Variants in COL4A4 observed in about 807,000 individuals in gnomAD.
The protein encoded by COL4A4 is collagen type IV alpha 4 chain.
Under a neutral mutation model 192.9 loss-of-function variants are expected in COL4A4, and 105 were observed. The observed-to-expected ratio is 0.54, with a 90% CI of 0.46 to 0.64. COL4A4 has a LOEUF of 0.64. COL4A4 is among the 30% of genes least tolerant of loss of function. The pLI is 0.00. For missense variants in COL4A4, 1,967 were observed against 2,169.3 expected (o/e 0.91, Z 1.85); for synonymous variants, 762 against 769.9 (o/e 0.99, Z 0.17).
At chr2:227,080,613 G>T in intron 23 of COL4A4, 64 bp from the exon 24 acceptor site, 1 of 1,402,322 alleles carries the variant, frequency 7.1e-7, no homozygotes, top group Non-Finnish European at 1.0e-6. Context: ...GGATAGAGAG[G>T]ACAAAAAATA....
intron 16 of COL4A4, 102 bp from the exon 17 acceptor site, chr2:227,101,659 G>T: frequency 1.6e-6 from 2 of 1,238,716 alleles, no homozygotes; most frequent in South Asian, 1.3e-5. Context: ...CTGAGACCAT[G>T]CAAAGTCTTA....
intron 34 of COL4A4, among the ~76,000 whole-genome samples, chr2:227,048,694 C>T (rs1223235357): frequency 6.6e-6 from 1 of 152,164 alleles, no homozygotes; most frequent in Non-Finnish European, 1.5e-5. Context: ...GAGTGCATTT[C>T]AATTCCTTTT....
chr2:227,080,218 G>A (rs1003467833), intron 24 of COL4A4, among the ~76,000 whole-genome samples: 1 of 152,174 alleles, frequency 6.6e-6, no homozygotes, highest in East Asian at 1.9e-4. Context: ...AGGACCGAAA[G>A]TCCTGCTAGG....
the COL4A4 span, among the ~76,000 whole-genome samples, chr2:226,984,937 G>C: frequency 2.6e-5 from 4 of 151,112 alleles, no homozygotes; most frequent in South Asian, 8.4e-4. Context: ...GGGTGGGGGA[G>C]GGGGAGGAGG....
the COL4A4 span, among the ~76,000 whole-genome samples, chr2:226,994,392 C>G: frequency 6.6e-6 from 1 of 151,956 alleles, no homozygotes; most frequent in African/African-American, 2.4e-5. Context: ...GACAAACAAA[C>G]GGAAGGTGCC....
intron 7 of COL4A4, among the ~76,000 whole-genome samples, chr2:227,118,290 T>C (rs1474325948): frequency 6.6e-6 from 1 of 152,162 alleles, no homozygotes; most frequent in East Asian, 1.9e-4. Flanking sequence ...TGATAAACAA[T>C]TTACATTTTG....
intron 41 of COL4A4, among the ~76,000 whole-genome samples, chr2:227,028,525 C>T (rs1314353227): frequency 1.3e-5 from 2 of 152,136 alleles, no homozygotes; most frequent in African/African-American, 4.8e-5. Context: ...GGAATCCCAA[C>T]TGAAGTTTAG....
chr2:227,133,627 C>T (rs1382501049), intron 4 of COL4A4, among the ~76,000 whole-genome samples: 1 of 152,158 alleles, frequency 6.6e-6, no homozygotes, highest in Admixed American at 6.5e-5. Flanking sequence ...CGTGGTGGCT[C>T]ACGCCTGTAA....
the COL4A4 span, among the ~76,000 whole-genome samples, chr2:226,976,600 C>G: frequency 2.6e-5 from 4 of 152,116 alleles, no homozygotes; most frequent in African/African-American, 9.7e-5. Context: ...CTACCTTAAG[C>G]TCATCTAGAA....
At chr2:227,095,213 A>G (rs951441611) in intron 19 of COL4A4, among the ~76,000 whole-genome samples, 2 of 152,230 alleles carry the variant, frequency 1.3e-5, no homozygotes, top group Non-Finnish European at 2.9e-5. Context: ...AAATAATCCA[A>G]ATAAACATAT....
At chr2:227,125,502 C>T (rs1166227739) in intron 4 of COL4A4, among the ~76,000 whole-genome samples, 1 of 151,954 alleles carries the variant, frequency 6.6e-6, no homozygotes, top group Non-Finnish European at 1.5e-5. Context: ...AGCCACTGCA[C>T]CCTGCCCATA....
chr2:227,114,794 C>G, intron 7 of COL4A4, 98 bp from the exon 8 acceptor site: 1 of 951,722 alleles, frequency 1.1e-6, no homozygotes, highest in Non-Finnish European at 1.7e-6. Flanking sequence ...GTTAAAATTA[C>G]CATTATTGAC....
intron 43 of COL4A4, 88 bp from the exon 44 acceptor site, chr2:227,022,261 A>C (rs1966154901): frequency 1.4e-6 from 2 of 1,436,068 alleles, no homozygotes; most frequent in Admixed American, 3.3e-5. Context: ...TGGACTTCTG[A>C]CACTATACTG....
intron 25 of COL4A4, among the ~76,000 whole-genome samples, 194 bp downstream of exon 25, chr2:227,077,700 A>AG (rs34445117): frequency 1.9e-4 from 20 of 103,650 alleles, no homozygotes; most frequent in African/African-American, 9.7e-4. Flanking sequence ...GAATACTGAG[A>AG]AAAAAAAAAA....
the COL4A4 span, among the ~76,000 whole-genome samples, chr2:226,987,291 A>G: frequency 6.6e-6 from 1 of 152,166 alleles, no homozygotes; most frequent in Non-Finnish European, 1.5e-5. Flanking sequence ...ACATATACCT[A>G]TGTAACAAAC....
At chr2:227,056,959 G>A (rs1297181771) in intron 29 of COL4A4, among the ~76,000 whole-genome samples, 2 of 152,212 alleles carry the variant, frequency 1.3e-5, no homozygotes, top group Non-Finnish European at 1.5e-5. Context: ...TGGTAGAGCA[G>A]TGCGAATGGA....
chr2:227,027,756 C>T (rs981101469), intron 42 of COL4A4, 146 bp downstream of exon 42: 37 of 646,658 alleles, frequency 5.7e-5, no homozygotes, highest in South Asian at 1.2e-4. Flanking sequence ...CTTTGTAGTG[C>T]GGCCTGAAAG....
intron 6 of COL4A4, among the ~76,000 whole-genome samples, chr2:227,119,564 A>G (rs1340237535): frequency 1.3e-5 from 2 of 148,666 alleles, no homozygotes; most frequent in African/African-American, 4.9e-5. Flanking sequence ...CATACTATAC[A>G]TATCTTATAT....
the COL4A4 span, among the ~76,000 whole-genome samples, chr2:226,970,820 T>C: frequency 6.6e-6 from 1 of 152,350 alleles, no homozygotes; most frequent in African/African-American, 2.4e-5. Context: ...AAGGCAATCT[T>C]GGCAGCTGGT....
Sources: gnomAD v4.1 joint callset for allele counts (sites outside exome capture counted in the v4.1 genomes callset) on GRCh38, gnomAD v4.1.1 for gene constraint, MANE v1.5 for transcripts, NCBI Gene and HGNC (gene_info 2026-07-23, HGNC 2026-07-21) for gene names.